WNK1: variants seen among roughly 807,000 people sequenced by gnomAD.
WNK1 encodes WNK lysine deficient protein kinase 1, also known as serine/threonine-protein kinase WNK1.
A neutral mutation model predicts 222.8 loss-of-function variants in WNK1; 38 were observed. The ratio of observed to expected loss-of-function variants is 0.17; its 90% CI spans 0.13 to 0.22. WNK1 has a LOEUF of 0.22. WNK1 is among the 10% of genes least tolerant of loss of function. The probability of loss-of-function intolerance (pLI) is 1.00; values close to 1 mark genes in which losing one functional copy is unlikely to be tolerated. For synonymous variants in WNK1, 1,090 were observed against 1,092.9 expected (o/e 1.00, Z 0.05); for missense variants, 2,348 against 2,918.4 (o/e 0.80, Z 4.50).
At chr12:837,612 T>C (rs919301871) in intron 4 of WNK1, among the ~76,000 whole-genome samples, 2 of 147,964 alleles carry the variant, frequency 1.4e-5, no homozygotes, top group Admixed American at 6.7e-5. Context: ...AGAAAAAAGA[T>C]AGAAATTTGG....
At chr12:861,991 T>C (rs1353409156) in intron 7 of WNK1, 92 bp from the exon 8 acceptor site, 4 of 1,428,508 alleles carry the variant, frequency 2.8e-6, no homozygotes, top group Non-Finnish European at 3.9e-6. Flanking sequence ...TTACCCCTAA[T>C]ATAATGGGTC....
chr12:865,511 C>CT (rs776915863), intron 8 of WNK1: 19 of 1,104,150 alleles, frequency 1.7e-5, no homozygotes, highest in East Asian at 2.6e-5. Flanking sequence ...CTGTAGGAAA[C>CT]TTTTTTGTAA....
chr12:896,276 C>T lies in WNK1; in HGVS notation c.5789C>T (p.Ala1930Val), dbSNP rs1268090127. The change falls in exon 24 of 28, where the codon GCC becomes GTC. Residue 1930 changes from alanine (A) to valine (V), a missense_variant. This residue lies in a region of WNK1 where 1,144 missense variants were observed against 1,273.6 expected (regional missense o/e 0.90). Coordinates refer to ENST00000315939, the MANE Select transcript of WNK1 (RefSeq NM_018979.4). ...DVPESAHKTT[A>V]SEAKSDTGQP... is the part of the protein sequence containing the mutation. Reference sequence around the variant, plus strand: ...CCAGAGAGTGCCCACAAAACTACTGCCTCAGAGGCAAAGTCAGACACTGGG... The same window carrying T: ...CCAGAGAGTGCCCACAAAACTACTGTCTCAGAGGCAAAGTCAGACACTGGG... 2.5e-6 allele frequency: 4 copies of T among 1,614,080 alleles called. No individual in the cohort carries two copies. Among genetic ancestry groups the T allele is most frequent in the Admixed American group, 1.7e-5 (1 of 60,002 alleles).
intron 20 of WNK1, 104 bp downstream of exon 20, chr12:887,408 A>T: frequency 9.7e-7 from 1 of 1,029,154 alleles, no homozygotes; most frequent in Non-Finnish European, 1.5e-6. Context: ...TTTGTCTTTG[A>T]CTTAGTAACA....
At chr12:754,440 G>A (rs1202927501) in intron 1 of WNK1, 116 bp downstream of exon 1, 6 of 1,327,880 alleles carry the variant, frequency 4.5e-6, no homozygotes, top group East Asian at 2.3e-5. Flanking sequence ...CGAGTGGGAC[G>A]GGGAGGCCAA....
intron 1 of WNK1, among the ~76,000 whole-genome samples, chr12:799,421 G>A (rs993554094): frequency 2.4e-4 from 36 of 150,356 alleles, no homozygotes; most frequent in Non-Finnish European, 4.2e-4. Context: ...ATGAGCCACC[G>A]CACCCGGCCT....
At chr12:851,801 T>C (rs770268535) in intron 4 of WNK1, 1 of 1,329,718 alleles carries the variant, frequency 7.5e-7, no homozygotes, top group East Asian at 4.6e-5. Flanking sequence ...GAATTTCCAG[T>C]ATATGTAACA....
chr12:886,632 C>G (rs1208768815), intron 19 of WNK1, among the ~76,000 whole-genome samples: 3 of 152,190 alleles, frequency 2.0e-5, no homozygotes, highest in Non-Finnish European at 2.9e-5. Flanking sequence ...TCCTCTTGTT[C>G]TGCCACCTTC....
chr12:755,923 G>A (rs1011779368), intron 1 of WNK1, among the ~76,000 whole-genome samples: 2 of 152,232 alleles, frequency 1.3e-5, no homozygotes, highest in Non-Finnish European at 2.9e-5. Flanking sequence ...TGCAGTGAGC[G>A]GAGATCGCAC....
At chr12:833,694 T>C (rs879331769) in intron 4 of WNK1, among the ~76,000 whole-genome samples, 2 of 152,236 alleles carry the variant, frequency 1.3e-5, no homozygotes, top group Non-Finnish European at 2.9e-5. Flanking sequence ...TATAAATTCA[T>C]AAATTCAATT....
At chr12:824,140 C>T (rs1484781277) in intron 2 of WNK1, among the ~76,000 whole-genome samples, 1 of 151,480 alleles carries the variant, frequency 6.6e-6, no homozygotes, top group Non-Finnish European at 1.5e-5. Context: ...CTCCTGACCT[C>T]AGGTGATCCA....
At chr12:776,367 T>A (rs1469297695) in intron 1 of WNK1, among the ~76,000 whole-genome samples, 1 of 151,630 alleles carries the variant, frequency 6.6e-6, no homozygotes, top group Non-Finnish European at 1.5e-5. Context: ...TGTTACATTT[T>A]AAAAATGTGA....
At chr12:835,057 G>A (rs1949077834) in intron 4 of WNK1, among the ~76,000 whole-genome samples, 1 of 152,292 alleles carries the variant, frequency 6.6e-6, no homozygotes, top group East Asian at 1.9e-4. Flanking sequence ...GTAGGCTCAC[G>A]CCTGTAATCC....
At chr12:872,901 G>A (rs1037778459) in intron 9 of WNK1, among the ~76,000 whole-genome samples, 1 of 152,186 alleles carries the variant, frequency 6.6e-6, no homozygotes, top group Admixed American at 6.5e-5. Context: ...AGAAACAGTT[G>A]ATTAGTTTGT....
At position 805,757 on chromosome 12, in the gene WNK1, C is replaced by T. The variant is rs1946317473; in HGVS notation, c.760-7885C>T. On this transcript the variant is annotated intron_variant, in intron 1 of 27. Transcript: ENST00000315939. The stretch of plus-strand genomic sequence containing the variant: ...CAAAATTAATGATTAATGTGTCAAA[C>T]TTATAAATTGTCATTTAGGTTATCA... Among the ~76,000 whole-genome samples the T allele has an allele frequency of 2.0e-5, 3 of 152,056 alleles. No homozygotes were observed. In the South Asian group the frequency reaches 6.2e-4, roughly 32 times the overall value.
chr12:794,931 A>G (rs1565440664), intron 1 of WNK1, among the ~76,000 whole-genome samples: 1 of 151,922 alleles, frequency 6.6e-6, no homozygotes, highest in Admixed American at 6.6e-5. Flanking sequence ...TTTTTAAAAA[A>G]TTGTGTAGAG....
intron 1 of WNK1, among the ~76,000 whole-genome samples, chr12:776,526 G>T (rs1222202598): frequency 1.3e-5 from 2 of 150,612 alleles, no homozygotes; most frequent in Admixed American, 1.3e-4. Flanking sequence ...CACCTCCCAG[G>T]TTCAAGCGAT....
intron 19 of WNK1, 62 bp from the exon 20 acceptor site, chr12:887,156 CTCT>C (rs1752510284): frequency 7.2e-7 from 1 of 1,389,452 alleles, no homozygotes; most frequent in East Asian, 2.3e-5. Context: ...AGTTGATTTG[CTCT>C]TCAGTACGCA....
At chr12:808,761 CTTTTT>C (rs11322620) in intron 1 of WNK1, among the ~76,000 whole-genome samples, 2 of 119,378 alleles carry the variant, frequency 1.7e-5, no homozygotes, top group Non-Finnish European at 1.8e-5. Flanking sequence ...GTATCTCTCT[CTTTTT>C]TTTTTTTTTT....
Sources: gnomAD v4.1 joint callset for allele counts (sites outside exome capture counted in the v4.1 genomes callset) on GRCh38, gnomAD v4.1.1 for gene constraint, gnomAD v4.1.1 regional missense constraint, MANE v1.5 for transcripts, NCBI Gene and HGNC (gene_info 2026-07-23, HGNC 2026-07-21) for gene names.